The following ZNF146 variants were observed in gnomAD, a reference collection of about 807,000 sequenced individuals.
The protein encoded by ZNF146 is zinc finger protein 146, also known as zinc finger protein OZF.
Under a neutral mutation model 22.2 loss-of-function variants are expected in ZNF146, and 9 were observed. That is an observed-to-expected ratio of 0.41 (90% CI 0.24 to 0.71). ZNF146 has a LOEUF of 0.71. Among genes scored for constraint, ZNF146 ranks in the 30% least tolerant of loss-of-function variants. The pLI is 0.34. For missense variants in ZNF146, 194 were observed against 344.8 expected, an observed-to-expected ratio of 0.56 and a Z score of 3.46; for synonymous variants, 108 against 119.2, an observed-to-expected ratio of 0.91 and a Z score of 0.61.
chr19:36,231,410 T>C (rs1385723690), intron 3 of ZNF146, among the ~76,000 whole-genome samples: 2 of 152,118 alleles, frequency 1.3e-5, no homozygotes. Context: ...GTTTTCACCA[T>C]GTTGGCCAGG....
At chr19:36,218,393 C>G (rs1976700930) in intron 2 of ZNF146, among the ~76,000 whole-genome samples, 198 bp downstream of exon 2, 1 of 152,022 alleles carries the variant, frequency 6.6e-6, no homozygotes, top group African/African-American at 2.4e-5. Flanking sequence ...AAAATGCTTC[C>G]TCAGAAAATA....
intron 3 of ZNF146, among the ~76,000 whole-genome samples, chr19:36,231,982 C>G (rs570414557): frequency 1.5e-4 from 22 of 151,692 alleles, no homozygotes; most frequent in Non-Finnish European, 7.4e-5. Flanking sequence ...GCAGGCAGAT[C>G]ACCTGAGGTC....
intron 2 of ZNF146, among the ~76,000 whole-genome samples, chr19:36,219,742 A>T (rs1425070996): frequency 6.6e-6 from 1 of 152,192 alleles, no homozygotes; most frequent in African/African-American, 2.4e-5. Flanking sequence ...CAGGTATTGT[A>T]AAGTGATGAT....
chr19:36,222,311 G>A (rs1424561414), intron 2 of ZNF146, among the ~76,000 whole-genome samples: 1 of 152,146 alleles, frequency 6.6e-6, no homozygotes, highest in African/African-American at 2.4e-5. Context: ...GATGCACCAT[G>A]GTTGATTCAG....
intron 3 of ZNF146, among the ~76,000 whole-genome samples, chr19:36,229,282 C>T (rs757366065): frequency 2.6e-5 from 4 of 152,220 alleles, no homozygotes; most frequent in Admixed American, 6.5e-5. Context: ...TCTCTGCCAT[C>T]GTAGATCCAT....
chr19:36,222,597 A>G (rs1976894300), intron 2 of ZNF146, among the ~76,000 whole-genome samples: 1 of 152,152 alleles, frequency 6.6e-6, no homozygotes, highest in African/African-American at 2.4e-5. Flanking sequence ...ACTTCAGTGT[A>G]GGTTTCATTT....
chr19:36,217,023 G>A (rs1004521562), intron 1 of ZNF146, among the ~76,000 whole-genome samples: 1 of 144,556 alleles, frequency 6.9e-6, no homozygotes, highest in Non-Finnish European at 1.5e-5. Flanking sequence ...CCTGGCGACA[G>A]CATTCCAGCT....
upstream of ZNF146, chr19:36,214,990 G>A (rs1371154706): frequency 6.6e-6 from 1 of 152,410 alleles, no homozygotes; most frequent in African/African-American, 2.4e-5. Flanking sequence ...GTAGTCCAAG[G>A]CCTGAGAAGC....
intron 3 of ZNF146, among the ~76,000 whole-genome samples, chr19:36,234,585 G>A (rs899248192): frequency 6.6e-6 from 1 of 152,180 alleles, no homozygotes; most frequent in African/African-American, 2.4e-5. Flanking sequence ...TTTTAGTAGA[G>A]ATGGGGTTTC....
chr19:36,229,071 G>C (rs1039103964), intron 3 of ZNF146, among the ~76,000 whole-genome samples: 1 of 152,188 alleles, frequency 6.6e-6, no homozygotes, highest in Non-Finnish European at 1.5e-5. Flanking sequence ...CGTCTGTGCC[G>C]CCACTGTGGT....
intron 3 of ZNF146, among the ~76,000 whole-genome samples, chr19:36,234,785 C>T (rs1031978497): frequency 6.6e-6 from 1 of 152,204 alleles, no homozygotes; most frequent in African/African-American, 2.4e-5. Context: ...TATAGCAGCT[C>T]ATTCCTGTCA....
chr19:36,234,677 G>A (rs1333605814), intron 3 of ZNF146, among the ~76,000 whole-genome samples: 1 of 152,188 alleles, frequency 6.6e-6, no homozygotes, highest in African/African-American at 2.4e-5. Context: ...GATTACAGGC[G>A]TGAGCCACTG....
At chr19:36,219,185 G>A (rs550980768) in intron 2 of ZNF146, among the ~76,000 whole-genome samples, 102 of 152,010 alleles carry the variant, frequency 6.7e-4, no homozygotes, top group Non-Finnish European at 1.3e-3. Context: ...TTTGAGATGG[G>A]GTCTCACTCT....
intron 3 of ZNF146, among the ~76,000 whole-genome samples, chr19:36,232,623 T>TC (rs397709162): frequency 6.7e-6 from 1 of 149,130 alleles, no homozygotes; most frequent in African/African-American, 2.5e-5. Flanking sequence ...TTTTTTTTTT[T>TC]CCCGAGACAT....
intron 2 of ZNF146, among the ~76,000 whole-genome samples, chr19:36,223,005 A>G (rs1406294166): frequency 6.6e-6 from 1 of 151,998 alleles, no homozygotes; most frequent in Non-Finnish European, 1.5e-5. Context: ...TTAGAGGCAC[A>G]GTCTCACTGT....
chr19:36,229,385 G>T (rs1338583222), intron 3 of ZNF146, among the ~76,000 whole-genome samples: 1 of 152,108 alleles, frequency 6.6e-6, no homozygotes, highest in Non-Finnish European at 1.5e-5. Context: ...ACTTTTATGT[G>T]TGGGGGTCTA....
At chr19:36,219,466 A>G (rs1468291282) in intron 2 of ZNF146, among the ~76,000 whole-genome samples, 2 of 152,144 alleles carry the variant, frequency 1.3e-5, no homozygotes, top group Non-Finnish European at 1.5e-5. Context: ...TTTGATTTCT[A>G]TGATTACTTT....
Position 36,237,353 on chromosome 19 carries a change from T to C in ZNF146, c.*34T>C, listed in dbSNP as rs202080948. 105 of 1,553,318 alleles carry C rather than the reference T, an allele frequency of 6.8e-5. No homozygotes were observed. The highest frequency in any genetic ancestry group is 8.8e-5 in the Non-Finnish European group (101 of 1,152,598). Reference sequence around the variant, plus strand: ...TGAAAGCCTTGAAAGTGGGAAAGCTTTCATTAGAAATTTGCACCTCATCAT... The same window carrying C: ...TGAAAGCCTTGAAAGTGGGAAAGCTCTCATTAGAAATTTGCACCTCATCAT... On this transcript the variant is annotated 3_prime_UTR_variant, in exon 4 of 4. Transcript: ENST00000443387.
At chr19:36,233,463 C>T (rs980376060) in intron 3 of ZNF146, among the ~76,000 whole-genome samples, 12 of 151,906 alleles carry the variant, frequency 7.9e-5, no homozygotes, top group Non-Finnish European at 1.0e-4. Flanking sequence ...GAAAAATGGG[C>T]CCAGGGGACC....
Sources: gnomAD v4.1 joint callset for allele counts (sites outside exome capture counted in the v4.1 genomes callset) on GRCh38, gnomAD v4.1.1 for gene constraint, MANE v1.5 for transcripts, NCBI Gene and HGNC (gene_info 2026-07-23, HGNC 2026-07-21) for gene names.